Variants in NR5A1 observed in about 807,000 individuals in gnomAD.
NR5A1 encodes steroidogenic factor 1.
NR5A1 carries 6 observed loss-of-function variants against 42.7 expected under a neutral mutation model. The observed-to-expected ratio is 0.14, with a 90% confidence interval of 0.08 to 0.28. The LOEUF is 0.28. Ranked by LOEUF, NR5A1 falls within the 10% of genes least tolerant of loss-of-function variation. NR5A1 has a pLI of 1.00. For synonymous variants in NR5A1, 274 were observed against 277.5 expected (o/e 0.99, Z 0.12); for missense variants, 442 against 626.4 (o/e 0.71, Z 3.14).
chr9:124,497,914 T>A (rs1162521176), intron 4 of NR5A1, among the ~76,000 whole-genome samples: 1 of 152,088 alleles, frequency 6.6e-6, no homozygotes, highest in Non-Finnish European at 1.5e-5. Context: ...CTGTTTGCTC[T>A]CCCCCCAGGG....
rs1832461451 is a variant in NR5A1, at chr9:124,500,859, C to T, written c.245-144G>A. The T allele has an allele frequency of 1.5e-6, 2 of 1,325,218 alleles. No individual in the cohort carries two copies. Among genetic ancestry groups the T allele is most frequent in the Admixed American group, 1.9e-5 (1 of 52,440 alleles). 82.1% of individuals were successfully genotyped at this position (1,325,218 alleles called of 1,614,324 possible). A position where few individuals can be genotyped will look rare whatever the true frequency, so the allele number is the denominator to read the frequency against. On this transcript the variant is annotated intron_variant, in intron 3 of 6. Coordinates refer to ENST00000373588, the MANE Select transcript of NR5A1 (RefSeq NM_004959.5). This position sits in a 1 kb window ranked among gnomAD's most constrained non-coding sequence, Gnocchi z 6.9. ...GGCTCCCACTGACCACAGGGGAAGT[C>T]AGTCTCCTTTGCCTGGCATTCAAGG...
Position 124,500,857 on chromosome 9 carries a change from G to A in NR5A1, c.245-142C>T, listed in dbSNP as rs1163346273. 3.5e-5 allele frequency: 47 copies of A among 1,329,990 alleles called. No individual in the cohort carries two copies. The highest frequency in any genetic ancestry group is 4.5e-5 in the Non-Finnish European group (42 of 939,000). 82.4% of individuals were successfully genotyped at this position (1,329,990 alleles called of 1,614,324 possible). A position where few individuals can be genotyped will look rare whatever the true frequency, so the allele number is the denominator to read the frequency against. On this transcript the variant is annotated intron_variant, in intron 3 of 6. Transcript: ENST00000373588. This position sits in a 1 kb window ranked among gnomAD's most constrained non-coding sequence, Gnocchi z 6.9. ...ATGGCTCCCACTGACCACAGGGGAA[G>A]TCAGTCTCCTTTGCCTGGCATTCAA...
chr9:124,497,805 G>A (rs958867610), intron 4 of NR5A1, among the ~76,000 whole-genome samples: 8 of 152,166 alleles, frequency 5.3e-5, no homozygotes, highest in African/African-American at 1.4e-4. Context: ...TTCACATTTC[G>A]GGACCTTCGC....
rs748092580 is a variant in NR5A1 at position 124,501,659 on chromosome 9, A to C, written c.245-944T>G. 6.6e-6 allele frequency among the ~76,000 whole-genome samples: 1 copy of C among 152,030 alleles called. No homozygotes were observed. The highest frequency in any genetic ancestry group is 1.5e-5 in the Non-Finnish European group (1 of 67,994). ...CTGTGCTGCTCGCAGGCTGCACGGGAGTTTCTACTGCCCACAACAGCCAGC... is the reference window on the plus strand; with the variant it reads ...CTGTGCTGCTCGCAGGCTGCACGGGCGTTTCTACTGCCCACAACAGCCAGC... On this transcript the variant is annotated intron_variant, in intron 3 of 6. Coordinates refer to ENST00000373588, the MANE Select transcript of NR5A1 (RefSeq NM_004959.5). This position sits in a 1 kb window ranked among gnomAD's most constrained non-coding sequence, Gnocchi z 4.1.
intron 6 of NR5A1, among the ~76,000 whole-genome samples, chr9:124,485,915 G>A (rs1404643859): frequency 6.6e-6 from 1 of 152,164 alleles, no homozygotes; most frequent in Non-Finnish European, 1.5e-5. Context: ...ATGGGGGTCC[G>A]GAGGGGGACA....
rs1832397666 is a variant in NR5A1 at position 124,496,875 on chromosome 9, C to A, written c.870+3215G>T. Among the ~76,000 whole-genome samples the A allele has an allele frequency of 6.6e-6, 1 of 152,232 alleles. No individual in the cohort carries two copies. Among genetic ancestry groups the A allele is most frequent in the Non-Finnish European group, 1.5e-5 (1 of 68,038 alleles). On this transcript the variant is annotated intron_variant, in intron 4 of 6. Coordinates refer to ENST00000373588, the MANE Select transcript of NR5A1 (RefSeq NM_004959.5). The surrounding 1 kb of genome is among the most constrained non-coding windows in gnomAD (Gnocchi z 5.0). ...CTCCCTTGCATCCTCCCAGCCTGTC[C>A]TTCGCAGTAAGTGACGAGAGGCTGA...
At chr9:124,497,761 C>T (rs1832408330) in intron 4 of NR5A1, among the ~76,000 whole-genome samples, 1 of 152,264 alleles carries the variant, frequency 6.6e-6, no homozygotes, top group South Asian at 2.1e-4. Context: ...CCCTGCTTCA[C>T]AGGCCCATTG....
chr9:124,496,585 G>A lies in NR5A1; in HGVS notation c.871-3436C>T, dbSNP rs568988202. ...GCCCCTCTGGAGCCCCCTGGGGTCC[G>A]ATTGGTCTGGCTGTGAAGGCCGGTG... On this transcript the variant is annotated intron_variant, in intron 4 of 6. Coordinates refer to ENST00000373588, the MANE Select transcript of NR5A1 (RefSeq NM_004959.5). The surrounding 1 kb of genome is among the most constrained non-coding windows in gnomAD (Gnocchi z 5.0). Among the ~76,000 whole-genome samples, 26 of 152,312 alleles carry A rather than the reference G, an allele frequency of 1.7e-4. No homozygotes were observed. The highest frequency in any genetic ancestry group is 3.6e-4 in the African/African-American group (15 of 41,560).
chr9:124,489,464 C>G (rs977302055), intron 6 of NR5A1, among the ~76,000 whole-genome samples: 1 of 152,218 alleles, frequency 6.6e-6, no homozygotes, highest in African/African-American at 2.4e-5. Flanking sequence ...AAACCACAAG[C>G]GTATGAAAGT....
chr9:124,490,982 C>T (rs1832298273), intron 6 of NR5A1, 99 bp downstream of exon 6: 1 of 1,468,144 alleles, frequency 6.8e-7, no homozygotes, highest in African/African-American at 1.4e-5. Context: ...CCTTCGTGGC[C>T]ACTCTGGCCA....
intron 4 of NR5A1, among the ~76,000 whole-genome samples, chr9:124,494,264 T>C (rs1355724284): frequency 6.6e-6 from 1 of 152,166 alleles, no homozygotes; most frequent in African/African-American, 2.4e-5. Flanking sequence ...GAGTTTCGTA[T>C]AGTCGCCACC....
intron 1 of NR5A1, among the ~76,000 whole-genome samples, chr9:124,505,879 ACT>A (rs1329632725): frequency 2.6e-5 from 4 of 152,172 alleles, no homozygotes; most frequent in Admixed American, 1.3e-4. Context: ...CCGCGGGGCC[ACT>A]GTTTTTCAGC....
At position 124,504,024 on chromosome 9, in the gene NR5A1, CAGAGAG is replaced by C. The variant is rs150663190; in HGVS notation, c.-15-620_-15-615del. 6.7e-4 allele frequency among the ~76,000 whole-genome samples: 71 copies of C among 105,934 alleles called. 2 individuals are homozygous for C. Among genetic ancestry groups the C allele is most frequent in the African/African-American group, 2.9e-3 (49 of 16,966 alleles). 69.5% of individuals were successfully genotyped at this position (105,934 alleles called of 152,430 possible). A position where few individuals can be genotyped will look rare whatever the true frequency, so the allele number is the denominator to read the frequency against. On this transcript the variant is annotated intron_variant, in intron 1 of 6. Transcript: ENST00000373588. ...GGAGGGATGGAGAGAGACAGGGAGA[CAGAGAG>C]AGAGAGAGAGAGAGAGAGAGACGAG...
chr9:124,491,712 C>T (rs906077247), intron 5 of NR5A1, among the ~76,000 whole-genome samples: 2 of 151,920 alleles, frequency 1.3e-5, no homozygotes, highest in African/African-American at 2.4e-5. Context: ...GTCATGGGGT[C>T]GCCCACTCTG....
In NR5A1 at chr9:124,500,043, C is replaced by G. The variant is rs148733893; in HGVS notation, c.870+47G>C. ...ACAGTCGGGCTAAGGCTTGGGCAGC[C>G]GGGAGGACCATGATGCAGGGCCAGC... On this transcript the variant is annotated intron_variant, in intron 4 of 6. Transcript: ENST00000373588. This position sits in a 1 kb window ranked among gnomAD's most constrained non-coding sequence, Gnocchi z 6.9. 1.9e-6 allele frequency: 3 copies of G among 1,612,794 alleles called. No individual in the cohort carries two copies. The highest frequency in any genetic ancestry group is 2.5e-6 in the Non-Finnish European group (3 of 1,179,880).
chr9:124,492,668 C>A (rs1371541529), intron 5 of NR5A1, among the ~76,000 whole-genome samples: 3 of 152,142 alleles, frequency 2.0e-5, no homozygotes, highest in Non-Finnish European at 4.4e-5. Flanking sequence ...TCTGAGCCTG[C>A]GGTAGACGTG....
rs868477595 is a variant in NR5A1, at chr9:124,496,925, C to G, written c.870+3165G>C. Among the ~76,000 whole-genome samples the G allele has an allele frequency of 1.3e-5, 2 of 152,186 alleles. No homozygotes were observed. Among genetic ancestry groups the G allele is most frequent in the African/African-American group, 4.8e-5 (2 of 41,432 alleles). On this transcript the variant is annotated intron_variant, in intron 4 of 6. Coordinates refer to ENST00000373588, the MANE Select transcript of NR5A1 (RefSeq NM_004959.5). This position sits in a 1 kb window ranked among gnomAD's most constrained non-coding sequence, Gnocchi z 5.0. Reference sequence around the variant, plus strand: ...ACTGCCTGGGCCCTGGGCACTGCTGCCCACCAAGCAGCAGGTACAGGTGAG... The same window carrying G: ...ACTGCCTGGGCCCTGGGCACTGCTGGCCACCAAGCAGCAGGTACAGGTGAG...
chr9:124,492,925 A>C (rs921545379), intron 5 of NR5A1, 105 bp downstream of exon 5: 3 of 1,336,806 alleles, frequency 2.2e-6, no homozygotes, highest in Non-Finnish European at 3.0e-6. Flanking sequence ...GGGTGCCCAG[A>C]GCCAGCCCCG....
chr9:124,495,031 A>T (rs568664134), intron 4 of NR5A1, among the ~76,000 whole-genome samples: 89 of 152,288 alleles, frequency 5.8e-4, no homozygotes, highest in Non-Finnish European at 1.2e-3. Flanking sequence ...AAGGAGAGGG[A>T]GAAGTCAGGA....
Sources: allele counts gnomAD v4.1 joint callset (sites outside exome capture counted in the v4.1 genomes callset), GRCh38; gene constraint gnomAD v4.1.1; non-coding constraint Gnocchi (gnomAD v3.1); transcripts MANE v1.5; gene names NCBI Gene and HGNC (gene_info 2026-07-23, HGNC 2026-07-21).